Variants in SYT3 observed in about 807,000 individuals in gnomAD.
The protein encoded by SYT3 is synaptotagmin 3.
Under a neutral mutation model 50.6 loss-of-function variants are expected in SYT3, and 25 were observed. That is an observed-to-expected ratio of 0.49 (90% confidence interval 0.36 to 0.69). SYT3 has a LOEUF of 0.69. Ranked by LOEUF, SYT3 falls within the 30% of genes least tolerant of loss-of-function variation. The pLI is 0.00. For missense variants in SYT3, 589 were observed against 793.6 expected (o/e 0.74, Z 3.10); for synonymous variants, 323 against 353.9 (o/e 0.91, Z 0.98).
Position 50,622,387 on chromosome 19 carries a change from C to T in SYT3, c.*98G>A, listed in dbSNP as rs1032446569. On this transcript the variant is annotated 3_prime_UTR_variant, in exon 11 of 11. Transcript: ENST00000600079. ...CCAGGGCTGCCCCGCACCAGCAGCT[C>T]GGACGTTATGGCTTCAAGGAGATGA... The T allele has an allele frequency of 3.2e-5, 8 of 249,990 alleles. No individual in the cohort carries two copies. Among genetic ancestry groups the T allele is most frequent in the Admixed American group, 5.1e-5 (1 of 19,558 alleles). 15.5% of individuals were successfully genotyped at this position (249,990 alleles called of 1,614,324 possible).
the SYT3 span, chr19:50,649,595 A>G: frequency 7.0e-7 from 1 of 1,419,230 alleles, no homozygotes; most frequent in Non-Finnish European, 9.6e-7. Flanking sequence ...GTGTGGCCTT[A>G]AGCGAGTCAC....
At chr19:50,633,642 C>T (rs1490767399) in intron 3 of SYT3, among the ~76,000 whole-genome samples, 1 of 152,222 alleles carries the variant, frequency 6.6e-6, no homozygotes, top group Non-Finnish European at 1.5e-5. Flanking sequence ...CAGTTCTTCC[C>T]TCTTACAGTA....
At chr19:50,656,194 C>G in the SYT3 span, 1 of 1,536,140 alleles carries the variant, frequency 6.5e-7, no homozygotes, top group Middle Eastern at 1.7e-4. Flanking sequence ...ACCCTGACCT[C>G]AGAGGTCCCT....
At chr19:50,647,751 G>A in the SYT3 span, among the ~76,000 whole-genome samples, 2 of 152,118 alleles carry the variant, frequency 1.3e-5, no homozygotes. Flanking sequence ...AGCTATGGGA[G>A]TAGAGAGGAG....
At chr19:50,624,589 G>A (rs1161758284) in intron 9 of SYT3, among the ~76,000 whole-genome samples, 1 of 133,566 alleles carries the variant, frequency 7.5e-6, no homozygotes, top group African/African-American at 2.9e-5. Flanking sequence ...GTCTTGCTCT[G>A]TCGCCCAGGC....
intron 9 of SYT3, chr19:50,624,843 C>T (rs372358316): frequency 6.3e-5 from 16 of 253,114 alleles, no homozygotes; most frequent in African/African-American, 2.7e-4. Flanking sequence ...TGAGCCACCA[C>T]GCCCAGCCCC....
At chr19:50,644,630 G>A (rs1984733426), upstream of SYT3, among the ~76,000 whole-genome samples, 2 of 151,972 alleles carry the variant, frequency 1.3e-5, no homozygotes, top group African/African-American at 4.8e-5. Flanking sequence ...ATGGATAGAA[G>A]ATGGATGGAT....
At chr19:50,630,234 A>T in intron 4 of SYT3, 63 bp from the exon 5 acceptor site, 1 of 1,423,378 alleles carries the variant, frequency 7.0e-7, no homozygotes, top group South Asian at 1.5e-5. Flanking sequence ...CTGCATGCAG[A>T]GACCTGGGAG....
Position 50,637,766 on chromosome 19 carries a change from G to C in SYT3, c.-15-340C>G. ...ACAGGGACAAATGAACAAGGAGGAA[G>C]AGATGGAGAAGGGCAGTGAAGGGGC... On this transcript the variant is annotated intron_variant, in intron 2 of 10. Coordinates refer to ENST00000600079, the MANE Select transcript of SYT3 (RefSeq NM_001160329.2). The surrounding 1 kb of genome is among the most constrained non-coding windows in gnomAD (Gnocchi z 4.9). 4.8e-6 allele frequency: 1 copy of C among 209,882 alleles called. No homozygotes were observed. The highest frequency in any genetic ancestry group is 9.6e-6 in the Non-Finnish European group (1 of 104,128). 13.0% of individuals were successfully genotyped at this position (209,882 alleles called of 1,614,324 possible).
intron 9 of SYT3, 25 bp from the exon 10 acceptor site, chr19:50,622,780 C>G: frequency 1.3e-6 from 1 of 781,586 alleles, no homozygotes; most frequent in South Asian, 1.4e-5. Flanking sequence ...GCAGAAGGTT[C>G]GGGAGTGAGA....
At chr19:50,648,075 C>G in the SYT3 span, among the ~76,000 whole-genome samples, 4 of 152,040 alleles carry the variant, frequency 2.6e-5, no homozygotes, top group Non-Finnish European at 5.9e-5. Context: ...TCCAGGTGTT[C>G]CAATCATCTC....
chr19:50,642,798 C>T (rs1270222243), upstream of SYT3, among the ~76,000 whole-genome samples: 1 of 152,120 alleles, frequency 6.6e-6, no homozygotes, highest in Non-Finnish European at 1.5e-5. Flanking sequence ...CATGCCATTG[C>T]ACTCCAGCCT....
chr19:50,629,403 C>T lies in SYT3; in HGVS notation c.1172G>A (p.Arg391His), dbSNP rs769451420. ...KLHFSVYDFD[R>H]FSRHDLIGQV... is the part of the protein sequence containing the mutation. ...GCCGATGAGGTCGTGCCGCGAGAAG[C>T]GGTCAAAGTCATAGACGCTGAAGTG... is the stretch of plus-strand genomic sequence containing the variant. Residue 391 changes from arginine (R) to histidine (H), a missense_variant, in exon 6 of 11, where the codon CGC (arginine) becomes CAC (histidine). By Grantham distance (29) the Arg-to-His change is conservative. Coordinates refer to ENST00000600079, the MANE Select transcript of SYT3 (RefSeq NM_001160329.2). 3.7e-6 allele frequency: 6 copies of T among 1,613,894 alleles called. No individual in the cohort carries two copies. The highest frequency in any genetic ancestry group is 5.1e-6 in the Non-Finnish European group (6 of 1,179,938).
the SYT3 span, among the ~76,000 whole-genome samples, chr19:50,647,049 C>T: frequency 6.6e-6 from 1 of 152,070 alleles, no homozygotes; most frequent in African/African-American, 2.4e-5. Flanking sequence ...CCAGGATGGT[C>T]TTGATCTCCT....
At chr19:50,652,977 T>A in the SYT3 span, among the ~76,000 whole-genome samples, 1 of 152,208 alleles carries the variant, frequency 6.6e-6, no homozygotes, top group Non-Finnish European at 1.5e-5. Context: ...TCATCATGTG[T>A]TAAACAACAC....
chr19:50,651,832 A>G, the SYT3 span, among the ~76,000 whole-genome samples: 1 of 152,210 alleles, frequency 6.6e-6, no homozygotes, highest in African/African-American at 2.4e-5. Flanking sequence ...ACATTTACAT[A>G]TATTAAAATC....
In SYT3 at chr19:50,637,500, A is replaced by G. The variant is rs958740099; in HGVS notation, c.-15-74T>C. ...GAGTGCAGGGTGGGCAGGTGTGGAG[A>G]TAAGGGTGGAAAGAGACACCGAGAA... On this transcript the variant is annotated intron_variant, in intron 2 of 10. Coordinates refer to ENST00000600079, the MANE Select transcript of SYT3 (RefSeq NM_001160329.2). This position sits in a 1 kb window ranked among gnomAD's most constrained non-coding sequence, Gnocchi z 4.9. 24 of 1,359,268 alleles carry G rather than the reference A, an allele frequency of 1.8e-5. No individual in the cohort carries two copies. Among genetic ancestry groups the G allele is most frequent in the Non-Finnish European group, 2.3e-5 (23 of 993,404 alleles). 84.2% of individuals were successfully genotyped at this position (1,359,268 alleles called of 1,614,324 possible). A position where few individuals can be genotyped will look rare whatever the true frequency, so the allele number is the denominator to read the frequency against.
intron 5 of SYT3, 131 bp downstream of exon 5, chr19:50,629,653 T>C (rs1599816018): frequency 9.4e-7 from 1 of 1,064,124 alleles, no homozygotes; most frequent in Non-Finnish European, 1.3e-6. Flanking sequence ...GACCCGGGAG[T>C]CCAGGCCCCC....
In SYT3 at chr19:50,632,458, G is replaced by A. The variant is rs779684367; in HGVS notation, c.502C>T (p.Pro168Ser). The change falls in exon 4 of 11, where the codon CCA becomes TCA. Residue 168 changes from proline to serine, a missense_variant. Pro to Ser is a moderately conservative substitution (Grantham distance 74, BLOSUM62 -1). Around this residue, in one of 2 missense-constraint regions of SYT3, gnomAD observed 316 missense variants for 354.3 expected, o/e 0.89. Coordinates refer to ENST00000600079, the MANE Select transcript of SYT3 (RefSeq NM_001160329.2). This position sits in a 1 kb window ranked among gnomAD's most constrained non-coding sequence, Gnocchi z 4.7. Reference sequence around the variant, plus strand: ...GCCACTGCTGCTGCTGCAGCCTCTGGATACGAGTCCATGTCCAAGTAGGAG... The same window carrying A: ...GCCACTGCTGCTGCTGCAGCCTCTGAATACGAGTCCATGTCCAAGTAGGAG... ...EPSYLDMDSY[P>S]EAAAAAVAAG... 4 of 1,613,518 alleles carry A rather than the reference G, an allele frequency of 2.5e-6. No homozygotes were observed. Among genetic ancestry groups the A allele is most frequent in the Non-Finnish European group, 3.4e-6 (4 of 1,179,878 alleles).
Sources: allele counts gnomAD v4.1 joint callset (sites outside exome capture counted in the v4.1 genomes callset), GRCh38; gene constraint gnomAD v4.1.1; regional missense constraint gnomAD v4.1.1; non-coding constraint Gnocchi (gnomAD v3.1); transcripts MANE v1.5; gene names NCBI Gene and HGNC (gene_info 2026-07-23, HGNC 2026-07-21).